The following SGCZ variants were observed in gnomAD, a reference collection of about 807,000 sequenced individuals.
SGCZ encodes zeta-sarcoglycan.
A neutral mutation model predicts 41.3 loss-of-function variants in SGCZ; 40 were observed. That is an observed-to-expected ratio of 0.97 (90% CI 0.75 to 1.26). The LOEUF is 1.26. SGCZ is among the 50% of genes most tolerant of loss of function. SGCZ has a pLI of 0.00. For missense variants in SGCZ, 552 were observed against 369.8 expected (o/e 1.49, Z -4.04); for synonymous variants, 206 against 137.5 (o/e 1.50, Z -3.49).
At chr8:14,906,310 G>T (rs1355395470) in intron 1 of SGCZ, among the ~76,000 whole-genome samples, 1 of 152,090 alleles carries the variant, frequency 6.6e-6, no homozygotes, top group African/African-American at 2.4e-5. Flanking sequence ...GAATATTTTA[G>T]AAATGTTACT....
chr8:15,106,471 G>C (rs1806828687), intron 1 of SGCZ, among the ~76,000 whole-genome samples: 1 of 151,946 alleles, frequency 6.6e-6, no homozygotes, highest in Non-Finnish European at 1.5e-5. Context: ...TTTATGTCCA[G>C]ATAGGCTAAA....
intron 3 of SGCZ, among the ~76,000 whole-genome samples, chr8:14,305,531 C>A (rs186477493): frequency 1.6e-4 from 24 of 152,180 alleles, no homozygotes; most frequent in African/African-American, 5.8e-4. Context: ...TAAAATTAAT[C>A]TTATTAAATT....
intron 1 of SGCZ, among the ~76,000 whole-genome samples, chr8:14,805,994 G>T (rs376991769): frequency 6.6e-6 from 1 of 150,696 alleles, no homozygotes; most frequent in Non-Finnish European, 1.5e-5. Context: ...GGTACATAAC[G>T]AAATGAAGGC....
chr8:14,834,328 T>G (rs1030206610), intron 1 of SGCZ, among the ~76,000 whole-genome samples: 5 of 152,200 alleles, frequency 3.3e-5, no homozygotes, highest in African/African-American at 1.2e-4. Context: ...TTTTATCTCT[T>G]TGCAAAAATT....
intron 2 of SGCZ, among the ~76,000 whole-genome samples, chr8:14,365,860 A>T (rs546173873): frequency 1.3e-5 from 2 of 152,090 alleles, no homozygotes; most frequent in East Asian, 3.9e-4. Flanking sequence ...GATTATATTG[A>T]TTTCCTTGTT....
intron 1 of SGCZ, among the ~76,000 whole-genome samples, chr8:14,586,087 A>G (rs1315955657): frequency 6.6e-6 from 1 of 152,238 alleles, no homozygotes; most frequent in African/African-American, 2.4e-5. Flanking sequence ...AGTTAATCCT[A>G]TTAACTATAC....
intron 1 of SGCZ, among the ~76,000 whole-genome samples, chr8:14,812,388 C>T (rs1419262296): frequency 1.3e-5 from 2 of 152,024 alleles, no homozygotes; most frequent in East Asian, 3.9e-4. Flanking sequence ...TTACATAAAT[C>T]TGTTAGCCAT....
intron 4 of SGCZ, among the ~76,000 whole-genome samples, chr8:14,176,430 A>G (rs536353744): frequency 9.2e-5 from 14 of 152,352 alleles, no homozygotes; most frequent in Admixed American, 8.5e-4. Context: ...AAATAACTGT[A>G]ATTAGTAAGT....
chr8:15,081,493 C>CTTT (rs10659307), intron 1 of SGCZ, among the ~76,000 whole-genome samples: 6,458 of 139,694 alleles, frequency 0.046, 460 homozygotes, highest in African/African-American at 0.15. Context: ...GATCCAATGG[C>CTTT]TTTTTTTTTT....
chr8:14,238,813 T>A (rs983653144), intron 3 of SGCZ, among the ~76,000 whole-genome samples: 34 of 152,204 alleles, frequency 2.2e-4, no homozygotes, highest in African/African-American at 8.2e-4. Context: ...GCATTGTGGA[T>A]GCTGAAATAC....
At chr8:14,350,517 C>G (rs528822365) in intron 2 of SGCZ, among the ~76,000 whole-genome samples, 2 of 152,088 alleles carry the variant, frequency 1.3e-5, no homozygotes, top group South Asian at 4.1e-4. Context: ...CCAGGAATTG[C>G]CTAAGCTGAA....
rs148381409 is a variant in SGCZ, at chr8:14,229,683, T to C, written c.424+7909A>G. On this transcript the variant is annotated intron_variant, in intron 4 of 7. Coordinates refer to ENST00000382080, the MANE Select transcript of SGCZ (RefSeq NM_139167.4). Reference sequence around the variant, plus strand: ...AAAAAAGAGTCAATTAAAAAAAACATAAATTTGGAACCTGAGAATAATCCA... The same window carrying C: ...AAAAAAGAGTCAATTAAAAAAAACACAAATTTGGAACCTGAGAATAATCCA... 4.5e-4 allele frequency among the ~76,000 whole-genome samples: 69 copies of C among 151,982 alleles called. 2 individuals carry two copies. The highest frequency in any genetic ancestry group is 1.6e-3 in the African/African-American group (65 of 41,482).
chr8:14,602,487 C>T (rs1478926666), intron 1 of SGCZ, among the ~76,000 whole-genome samples: 2 of 151,700 alleles, frequency 1.3e-5, no homozygotes, highest in African/African-American at 4.8e-5. Flanking sequence ...GAGTTCAAGG[C>T]CAGCCTGGGC....
chr8:14,162,419 T>A (rs945850598), intron 5 of SGCZ, among the ~76,000 whole-genome samples: 3 of 152,142 alleles, frequency 2.0e-5, no homozygotes, highest in African/African-American at 7.2e-5. Flanking sequence ...GTTGCCCAGT[T>A]CCCCTGAAGG....
At chr8:14,622,123 C>T (rs982227488) in intron 1 of SGCZ, among the ~76,000 whole-genome samples, 5 of 152,066 alleles carry the variant, frequency 3.3e-5, no homozygotes, top group South Asian at 2.1e-4. Context: ...ATTCAGCCCT[C>T]CAATGAGAAG....
chr8:14,864,736 G>A (rs1453447057), intron 1 of SGCZ, among the ~76,000 whole-genome samples: 1 of 152,038 alleles, frequency 6.6e-6, no homozygotes, highest in African/African-American at 2.4e-5. Context: ...TTAGCTTTTT[G>A]AGGATCTCCA....
chr8:15,016,607 AG>A (rs1803045112), intron 1 of SGCZ, among the ~76,000 whole-genome samples: 1 of 152,206 alleles, frequency 6.6e-6, no homozygotes, highest in Non-Finnish European at 1.5e-5. Context: ...TACTAGGTTA[AG>A]AGCATAGTGC....
At chr8:14,530,235 C>T (rs1160933707) in intron 2 of SGCZ, among the ~76,000 whole-genome samples, 2 of 151,932 alleles carry the variant, frequency 1.3e-5, no homozygotes, top group African/African-American at 4.8e-5. Context: ...AAAAAATATA[C>T]TACCCTAAAA....
chr8:14,596,981 C>A (rs1291768306), intron 1 of SGCZ, among the ~76,000 whole-genome samples: 5 of 152,210 alleles, frequency 3.3e-5, no homozygotes, highest in Non-Finnish European at 7.4e-5. Flanking sequence ...ACCCTGAAAT[C>A]TAAGTAATGG....
Sources: allele counts gnomAD v4.1 joint callset (sites outside exome capture counted in the v4.1 genomes callset), GRCh38; gene constraint gnomAD v4.1.1; transcripts MANE v1.5; gene names NCBI Gene and HGNC (gene_info 2026-07-23, HGNC 2026-07-21).